CDH13: variants seen among roughly 807,000 people sequenced by gnomAD.
The protein encoded by CDH13 is cadherin 13.
CDH13 carries 24 observed loss-of-function variants against 63.8 expected under a neutral mutation model. That is an observed-to-expected ratio of 0.38 (90% CI 0.27 to 0.53). The LOEUF is 0.53. CDH13 is among the 20% of genes least tolerant of loss of function. The probability of loss-of-function intolerance (pLI) is 0.85; values close to 1 mark genes in which losing one functional copy is unlikely to be tolerated. For synonymous variants in CDH13, 503 were observed against 355.3 expected (o/e 1.42, Z -4.67); for missense variants, 1,049 against 903.1 (o/e 1.16, Z -2.07).
At chr16:83,453,506 A>G (rs2072938106) in intron 6 of CDH13, among the ~76,000 whole-genome samples, 1 of 152,244 alleles carries the variant, frequency 6.6e-6, no homozygotes. Flanking sequence ...CTGACATGTT[A>G]TAAGCACTTA....
intron 5 of CDH13, among the ~76,000 whole-genome samples, chr16:83,331,709 G>C (rs1330587076): frequency 6.6e-6 from 1 of 152,038 alleles, no homozygotes; most frequent in African/African-American, 2.4e-5. Flanking sequence ...TTTAAAAATT[G>C]CATTATGTAT....
At chr16:83,489,011 C>T (rs1339347242) in intron 7 of CDH13, among the ~76,000 whole-genome samples, 3 of 152,194 alleles carry the variant, frequency 2.0e-5, no homozygotes, top group African/African-American at 2.4e-5. Flanking sequence ...CCACTTGACA[C>T]GTGTGTGCAG....
intron 6 of CDH13, among the ~76,000 whole-genome samples, chr16:83,484,278 C>T (rs2073837699): frequency 2.0e-5 from 3 of 152,174 alleles, no homozygotes; most frequent in Admixed American, 1.3e-4. Flanking sequence ...TCTATCTTTC[C>T]TTTAGGCTTC....
intron 2 of CDH13, among the ~76,000 whole-genome samples, chr16:82,881,069 A>G (rs1324200257): frequency 1.3e-5 from 2 of 152,206 alleles, no homozygotes; most frequent in African/African-American, 4.8e-5. Flanking sequence ...AGTATTTATA[A>G]CATTCATTTT....
chr16:83,595,811 T>C (rs1370955485), intron 7 of CDH13, among the ~76,000 whole-genome samples: 4 of 146,236 alleles, frequency 2.7e-5, no homozygotes, highest in Admixed American at 2.7e-4. Context: ...CCAGTGAACA[T>C]ACAACATTGT....
chr16:83,609,093 T>C (rs1908625233), intron 8 of CDH13, among the ~76,000 whole-genome samples: 1 of 152,196 alleles, frequency 6.6e-6, no homozygotes, highest in African/African-American at 2.4e-5. Context: ...TTGAGGAATA[T>C]CATCAAATTT....
At chr16:83,595,690 C>G (rs1004571796) in intron 7 of CDH13, among the ~76,000 whole-genome samples, 3 of 152,208 alleles carry the variant, frequency 2.0e-5, no homozygotes, top group East Asian at 3.9e-4. Flanking sequence ...AAGTACATAA[C>G]TTCTGCTCAC....
intron 2 of CDH13, among the ~76,000 whole-genome samples, chr16:83,030,336 C>A (rs1916187477): frequency 6.6e-6 from 1 of 152,108 alleles, no homozygotes; most frequent in African/African-American, 2.4e-5. Flanking sequence ...AAATTATAAT[C>A]ATTGTATTGG....
intron 1 of CDH13, among the ~76,000 whole-genome samples, chr16:82,676,251 C>G (rs972004432): frequency 2.6e-5 from 4 of 152,136 alleles, no homozygotes; most frequent in Middle Eastern, 3.2e-3. Flanking sequence ...TCTTACATGT[C>G]TCAAAGGCAC....
chr16:83,073,352 T>TGAGAGA lies in CDH13; in HGVS notation c.366+41135_366+41136insAGAGAG, dbSNP rs1185746074. Among the ~76,000 whole-genome samples, 684 of 125,176 alleles carry TGAGAGA rather than the reference T, an allele frequency of 5.5e-3. 4 individuals are homozygous for TGAGAGA. The highest frequency in any genetic ancestry group is 0.021 in the African/African-American group (640 of 30,780). 82.1% of individuals were successfully genotyped at this position (125,176 alleles called of 152,430 possible). On this transcript the variant is annotated intron_variant, in intron 3 of 13. Coordinates refer to ENST00000567109, the MANE Select transcript of CDH13 (RefSeq NM_001257.5). ...GTGTGTGTGTGTGTGTGTGTGTGTG[T>TGAGAGA]GTGAGAGAGAGAGAGAGAGAGAGAG...
intron 5 of CDH13, among the ~76,000 whole-genome samples, chr16:83,243,740 A>G (rs1175157621): frequency 6.6e-6 from 1 of 152,186 alleles, no homozygotes; most frequent in Non-Finnish European, 1.5e-5. Flanking sequence ...ACAAACATAA[A>G]CCAGTCTTGT....
chr16:83,271,454 T>TAAAAAAAA (rs2088810570), intron 5 of CDH13, among the ~76,000 whole-genome samples: 2 of 17,124 alleles, frequency 1.2e-4, no homozygotes, highest in Non-Finnish European at 3.7e-4. Flanking sequence ...AAAAAAAAAT[T>TAAAAAAAA]CATGGTTGCT....
chr16:82,988,923 G>A (rs1054417892), intron 2 of CDH13, among the ~76,000 whole-genome samples: 4 of 152,116 alleles, frequency 2.6e-5, no homozygotes, highest in East Asian at 1.9e-4. Context: ...GAGACTCTAC[G>A]TTCCTTGAAG....
chr16:83,657,220 C>T (rs1284284532), intron 8 of CDH13, among the ~76,000 whole-genome samples: 1 of 152,220 alleles, frequency 6.6e-6, no homozygotes, highest in Non-Finnish European at 1.5e-5. Context: ...GTATTAATCC[C>T]TCAATACAGG....
intron 5 of CDH13, among the ~76,000 whole-genome samples, chr16:83,315,602 A>C (rs2090088771): frequency 6.6e-6 from 1 of 152,096 alleles, no homozygotes; most frequent in Non-Finnish European, 1.5e-5. Context: ...TTCGGGGGAA[A>C]AATAAAAGAA....
intron 1 of CDH13, among the ~76,000 whole-genome samples, chr16:82,776,305 GAA>G (rs2035493847): frequency 6.6e-6 from 1 of 151,088 alleles, no homozygotes; most frequent in African/African-American, 2.4e-5. Flanking sequence ...AAGAAGGAGA[GAA>G]AAGAGAAAAG....
intron 7 of CDH13, among the ~76,000 whole-genome samples, chr16:83,501,511 A>C (rs755059241): frequency 4.6e-5 from 7 of 152,194 alleles, no homozygotes; most frequent in Non-Finnish European, 7.3e-5. Flanking sequence ...GGTGTGAGAC[A>C]GTTTATGTTG....
intron 2 of CDH13, among the ~76,000 whole-genome samples, chr16:82,986,243 T>C (rs1395314072): frequency 6.6e-6 from 1 of 152,170 alleles, no homozygotes; most frequent in East Asian, 1.9e-4. Flanking sequence ...TATTGGTACG[T>C]CTGAGCCTGA....
At chr16:83,450,940 G>C (rs1022230308) in intron 6 of CDH13, among the ~76,000 whole-genome samples, 4 of 152,032 alleles carry the variant, frequency 2.6e-5, no homozygotes, top group Non-Finnish European at 4.4e-5. Context: ...TGTGTGCGTC[G>C]GCATCCCCTG....
Sources: allele counts gnomAD v4.1 joint callset (sites outside exome capture counted in the v4.1 genomes callset), GRCh38; gene constraint gnomAD v4.1.1; transcripts MANE v1.5; gene names NCBI Gene and HGNC (gene_info 2026-07-23, HGNC 2026-07-21).